TCN2: variants seen among roughly 807,000 people sequenced by gnomAD.
The protein encoded by TCN2 is transcobalamin 2.
A neutral mutation model predicts 48.6 loss-of-function variants in TCN2; 34 were observed. The ratio of observed to expected loss-of-function variants is 0.70; its 90% CI spans 0.53 to 0.93. TCN2 has a LOEUF of 0.93. TCN2 is among the 40% of genes least tolerant of loss of function. The probability of loss-of-function intolerance (pLI) is 0.00; values close to 1 mark genes in which losing one functional copy is unlikely to be tolerated. For synonymous variants in TCN2, 283 were observed against 212.5 expected, an observed-to-expected ratio of 1.33 and a Z score of -2.89; for missense variants, 652 against 526.1, an observed-to-expected ratio of 1.24 and a Z score of -2.34.
At chr22:30,623,789 CATATATACACACAT>C (rs2087740891) in intron 8 of TCN2, among the ~76,000 whole-genome samples, 3 of 5,650 alleles carry the variant, frequency 5.3e-4, no homozygotes, top group South Asian at 7.0e-3. Flanking sequence ...TATATGTATA[CATATATACACACAT>C]ACACATATAT....
chr22:30,623,138 A>G, intron 8 of TCN2, 55 bp downstream of exon 8: 2 of 1,586,326 alleles, frequency 1.3e-6, no homozygotes, highest in South Asian at 2.2e-5. Context: ...TTACTCAGCC[A>G]AGAGGCTTCA....
intron 2 of TCN2, among the ~76,000 whole-genome samples, chr22:30,612,034 T>G (rs911905060): frequency 6.6e-5 from 10 of 151,558 alleles, no homozygotes; most frequent in Admixed American, 4.6e-4. Flanking sequence ...CTCAGGAGTT[T>G]GAGACCAGCC....
intron 7 of TCN2, among the ~76,000 whole-genome samples, chr22:30,619,132 A>T (rs2145551333): frequency 6.6e-6 from 1 of 152,346 alleles, no homozygotes; most frequent in African/African-American, 2.4e-5. Flanking sequence ...GCTAGAGTGC[A>T]GTGGCACAAT....
At chr22:30,620,552 T>G (rs4820886) in intron 7 of TCN2, among the ~76,000 whole-genome samples, 19,805 of 152,246 alleles carry the variant, frequency 0.13, 1,416 homozygotes, top group Admixed American at 0.16. Flanking sequence ...GCAATGCTGC[T>G]GGGCACCAGC....
At chr22:30,620,119 T>TGTG (rs1018804402) in intron 7 of TCN2, among the ~76,000 whole-genome samples, 4 of 151,914 alleles carry the variant, frequency 2.6e-5, no homozygotes, top group Non-Finnish European at 5.9e-5. Flanking sequence ...ATGACGTCAC[T>TGTG]GTCCTGTAGC....
Position 30,617,401 on chromosome 22 carries a change from A to C in TCN2, c.1012A>C (p.Ser338Arg), listed in dbSNP as rs1193032547. ...CATCAGTGTCACGCTGCAGGTGCTT[A>C]GTCTCTTGCCGCCGTACAGACAGTC... ...EIISVTLQVL[S>R]LLPPYRQSIS... is the part of the protein sequence containing the mutation. Residue 338 changes from serine to arginine, a missense_variant, in exon 7 of 9, where the codon AGT becomes CGT. Physicochemically the swap from Ser to Arg is moderately radical, Grantham distance 110. Transcript: ENST00000215838. The C allele has an allele frequency of 1.2e-6, 2 of 1,614,016 alleles. No homozygotes were observed. The highest frequency in any genetic ancestry group is 1.7e-6 in the Non-Finnish European group (2 of 1,180,036).
rs2087816251 is a variant in TCN2 at position 30,626,680 on chromosome 22, G to A, written c.*159G>A. On this transcript the variant is annotated 3_prime_UTR_variant, in exon 9 of 9. Coordinates refer to ENST00000215838, the MANE Select transcript of TCN2 (RefSeq NM_000355.4). ...CACCCCAGCCACAAGCCCTTCGAGG[G>A]CCCTATACCATGGCCCACCTTGGAG... The A allele has an allele frequency of 3.8e-6, 3 of 785,224 alleles. No individual in the cohort carries two copies. The South Asian group carries it at 4.5e-5, about 12-fold the overall frequency. The allele number at this position is 785,224 out of a possible 1,614,324, so 48.6% of individuals were successfully genotyped here.
chr22:30,617,417 A>G lies in TCN2; in HGVS notation c.1028A>G (p.Tyr343Cys). ...TLQVLSLLPP[Y>C]RQSISVLAGS... Reference sequence around the variant, plus strand: ...CAGGTGCTTAGTCTCTTGCCGCCGTACAGACAGTCCATCTCTGTTCTGGCC... The same window carrying G: ...CAGGTGCTTAGTCTCTTGCCGCCGTGCAGACAGTCCATCTCTGTTCTGGCC... The change falls in exon 7 of 9, where the codon TAC becomes TGC. Residue 343 changes from tyrosine (Y) to cysteine (C), a missense_variant. By Grantham distance (194) the Tyr-to-Cys change is radical. Transcript: ENST00000215838. 1 of 1,614,142 alleles carries G rather than the reference A, an allele frequency of 6.2e-7. No homozygotes were observed. The highest frequency in any genetic ancestry group is 8.5e-7 in the Non-Finnish European group (1 of 1,180,032).
rs1569046963 is a variant in TCN2 at position 30,623,955 on chromosome 22, T to TATATATAC, written c.1222+873_1222+874insTATATACA. On this transcript the variant is annotated intron_variant, in intron 8 of 8. Transcript: ENST00000215838. Reference sequence around the variant, plus strand: ...ACATATATACACACACACATATGTATACATATATACACACACATATATATG... The same window carrying TATATATAC: ...ACATATATACACACACACATATGTATATATATACACATATATACACACACATATATATG... Among the ~76,000 whole-genome samples the TATATATAC allele has an allele frequency of 2.5e-5, 2 of 81,082 alleles. 1 individual carries two copies. The allele number at this position is 81,082 out of a possible 152,430, so 53.2% of individuals were successfully genotyped here.
intron 3 of TCN2, among the ~76,000 whole-genome samples, chr22:30,613,965 C>A (rs1292894608): frequency 6.6e-6 from 1 of 152,188 alleles, no homozygotes; most frequent in Non-Finnish European, 1.5e-5. Flanking sequence ...GCAGTTCACT[C>A]CTGCTCTACC....
rs2087758614 is a variant in TCN2 at position 30,623,965 on chromosome 22, C to CACACATATATATGTATACATATAT, written c.1222+887_1222+888insTATATATGTATACATATATACACA. Among the ~76,000 whole-genome samples, 5 of 18,554 alleles carry CACACATATATATGTATACATATAT rather than the reference C, an allele frequency of 2.7e-4. 1 individual carries two copies. The highest frequency in any genetic ancestry group is 7.0e-4 in the South Asian group (1 of 1,434). The allele number at this position is 18,554 out of a possible 152,430, so 12.2% of individuals were successfully genotyped here. On this transcript the variant is annotated intron_variant, in intron 8 of 8. Coordinates refer to ENST00000215838, the MANE Select transcript of TCN2 (RefSeq NM_000355.4). ...ACACACACATATGTATACATATATACACACACATATATATGTATACATATA... is the reference window on the plus strand; with the variant it reads ...ACACACACATATGTATACATATATACACACATATATATGTATACATATATACACACATATATATGTATACATATA...
At position 30,615,410 on chromosome 22, in the gene TCN2, C is replaced by G. The variant is rs779288271; in HGVS notation, c.690C>G (p.Ile230Met). 5.0e-6 allele frequency: 8 copies of G among 1,614,084 alleles called. No individual in the cohort carries two copies. The highest frequency in any genetic ancestry group is 5.9e-6 in the Non-Finnish European group (7 of 1,180,044). The change falls in exon 5 of 9, where the codon ATC becomes ATG. Residue 230 changes from isoleucine to methionine, a missense_variant. Transcript: ENST00000215838. ...CCATCAGAACAGTGCGAGAGGAGAT[C>G]TTGAAGGCCCAGACCCCCGAGGGCC... ...TMAIRTVREE[I>M]LKAQTPEGHF...
Position 30,615,425 on chromosome 22 carries a change from C to A in TCN2, c.705C>A (p.Thr235=), listed in dbSNP as rs1016983766. The change falls in exon 5 of 9, where the codon ACC becomes ACA. Residue 235 remains threonine, a synonymous_variant. Coordinates refer to ENST00000215838, the MANE Select transcript of TCN2 (RefSeq NM_000355.4). The stretch of plus-strand genomic sequence containing the variant: ...GAGAGGAGATCTTGAAGGCCCAGAC[C>A]CCCGAGGGCCACTTTGGGAATGTCT... ...TVREEILKAQ[T]PEGHFGNVYS... The A allele has an allele frequency of 6.2e-7, 1 of 1,614,064 alleles. No individual in the cohort carries two copies. Among genetic ancestry groups the A allele is most frequent in the Non-Finnish European group, 8.5e-7 (1 of 1,180,054 alleles).
At position 30,614,483 on chromosome 22, in the gene TCN2, C is replaced by G; in HGVS notation, c.562C>G (p.Gln188Glu). The G allele has an allele frequency of 3.7e-6, 6 of 1,614,168 alleles. No homozygotes were observed. Among genetic ancestry groups the G allele is most frequent in the Non-Finnish European group, 5.1e-6 (6 of 1,180,026 alleles). The change falls in exon 4 of 9, where the codon CAG becomes GAG. Residue 188 changes from glutamine (Q) to glutamate (E), a missense_variant. Transcript: ENST00000215838. Reference protein sequence around the residue: ...KLLYAVEPFHQGHHSVDTAAM... With the variant: ...KLLYAVEPFHEGHHSVDTAAM... ...TCTGTATGCTGTGGAACCTTTCCAC[C>G]AGGGCCACCATTCTGTGGGTGAGTA...
chr22:30,611,088 T>A (rs1233891141), intron 2 of TCN2, 25 bp downstream of exon 2: 1 of 1,613,810 alleles, frequency 6.2e-7, no homozygotes, highest in Non-Finnish European at 8.5e-7. Context: ...TCTTTTTCCA[T>A]GTCTTGCTCC....
Position 30,615,315 on chromosome 22 carries a change from G to T in TCN2, c.595G>T (p.Ala199Ser), listed in dbSNP as rs1251569284. 1 of 1,614,032 alleles carries T rather than the reference G, an allele frequency of 6.2e-7. No homozygotes were observed. Among genetic ancestry groups the T allele is most frequent in the African/African-American group, 1.3e-5 (1 of 74,920 alleles). The change falls in exon 5 of 9, where the codon GCA becomes TCA. Residue 199 changes from alanine to serine, a missense_variant. Coordinates refer to ENST00000215838, the MANE Select transcript of TCN2 (RefSeq NM_000355.4). ...CCCACTTCAAGACACAGCAGCCATGGCAGGCTTGGCATTCACCTGTCTGAA... is the reference window on the plus strand; with the variant it reads ...CCCACTTCAAGACACAGCAGCCATGTCAGGCTTGGCATTCACCTGTCTGAA... ...GHHSVDTAAMAGLAFTCLKRS... is the reference protein window; with the variant it reads ...GHHSVDTAAMSGLAFTCLKRS...
In TCN2 at chr22:30,626,285, G is replaced by A. The variant is rs2072194; in HGVS notation, c.1223-175G>A. 0.67 allele frequency among the ~76,000 whole-genome samples: 101,559 copies of A among 151,910 alleles called. 35,160 individuals carry two copies. Among genetic ancestry groups the A allele is most frequent in the African/African-American group, 0.86 (35,744 of 41,448 alleles). On this transcript the variant is annotated intron_variant, in intron 8 of 8. Coordinates refer to ENST00000215838, the MANE Select transcript of TCN2 (RefSeq NM_000355.4). Reference sequence around the variant, plus strand: ...GAGGTCATGGCCTCAGGAACCCTGTGGGAAGCTGAGTTCAGAGTCTTTGAG... The same window carrying A: ...GAGGTCATGGCCTCAGGAACCCTGTAGGAAGCTGAGTTCAGAGTCTTTGAG...
At chr22:30,623,276 C>T in intron 8 of TCN2, 193 bp downstream of exon 8, 3 of 514,496 alleles carry the variant, frequency 5.8e-6, no homozygotes, top group South Asian at 2.7e-5. Context: ...TGTGGAAATT[C>T]TAGGAAACCA....
intron 2 of TCN2, among the ~76,000 whole-genome samples, 171 bp from the exon 3 acceptor site, chr22:30,612,702 T>C (rs1445617042): frequency 3.3e-5 from 5 of 152,234 alleles, no homozygotes; most frequent in Admixed American, 6.5e-5. Context: ...ATTAAATATT[T>C]GTGGCATACA....
Sources: allele counts gnomAD v4.1 joint callset (sites outside exome capture counted in the v4.1 genomes callset), GRCh38; gene constraint gnomAD v4.1.1; transcripts MANE v1.5; gene names NCBI Gene and HGNC (gene_info 2026-07-23, HGNC 2026-07-21).